RUSC2: variants seen among roughly 807,000 people sequenced by gnomAD.
RUSC2 encodes RUN and SH3 domain containing 2.
RUSC2 carries 34 observed loss-of-function variants against 122.2 expected under a neutral mutation model. The ratio of observed to expected loss-of-function variants is 0.28; its 90% confidence interval spans 0.21 to 0.37. RUSC2 has a LOEUF of 0.37. RUSC2 is among the 10% of genes least tolerant of loss of function. The pLI is 1.00. For synonymous variants in RUSC2, 784 were observed against 790.0 expected (o/e 0.99, Z 0.13); for missense variants, 1,747 against 1,952.4 (o/e 0.89, Z 1.98).
intron 1 of RUSC2, among the ~76,000 whole-genome samples, chr9:35,545,500 C>T (rs1007986286): frequency 2.0e-5 from 3 of 152,142 alleles, no homozygotes; most frequent in Non-Finnish European, 4.4e-5. Context: ...CAAGAGAGAA[C>T]TTTGCTTTAG....
At chr9:35,492,044 A>G (rs1002381677) in intron 1 of RUSC2, among the ~76,000 whole-genome samples, 9 of 151,490 alleles carry the variant, frequency 5.9e-5, no homozygotes, top group African/African-American at 2.2e-4. Flanking sequence ...AAGCAATACA[A>G]TTTTTTTTTA....
chr9:35,516,022 A>AAAAAAAAAAAAAG (rs1554724501), intron 1 of RUSC2, among the ~76,000 whole-genome samples: 28 of 127,188 alleles, frequency 2.2e-4, no homozygotes, highest in African/African-American at 3.7e-4. Flanking sequence ...AAAAAAAAAA[A>AAAAAAAAAAAAAG]AGAGAAATGC....
chr9:35,539,712 G>C (rs557165473), intron 1 of RUSC2, among the ~76,000 whole-genome samples: 1 of 152,292 alleles, frequency 6.6e-6, no homozygotes, highest in Non-Finnish European at 1.5e-5. Flanking sequence ...TCTGGCAGGG[G>C]CAGGGACAGT....
At chr9:35,540,403 A>G (rs1356475589) in intron 1 of RUSC2, among the ~76,000 whole-genome samples, 1 of 152,152 alleles carries the variant, frequency 6.6e-6, no homozygotes, top group Non-Finnish European at 1.5e-5. Context: ...ATTTCTAATA[A>G]CCACCTTGGT....
At chr9:35,512,937 T>G (rs778106341) in intron 1 of RUSC2, among the ~76,000 whole-genome samples, 1 of 152,198 alleles carries the variant, frequency 6.6e-6, no homozygotes, top group African/African-American at 2.4e-5. Flanking sequence ...AAAATGCATA[T>G]TGACCATTTC....
intron 1 of RUSC2, among the ~76,000 whole-genome samples, chr9:35,532,847 C>T (rs1821447234): frequency 6.6e-6 from 1 of 151,916 alleles, no homozygotes. Context: ...AAAATGATAA[C>T]TGCTTCACAC....
intron 1 of RUSC2, among the ~76,000 whole-genome samples, chr9:35,514,921 T>C (rs769810893): frequency 6.6e-6 from 1 of 152,156 alleles, no homozygotes; most frequent in Non-Finnish European, 1.5e-5. Context: ...TACCCAGAAG[T>C]TGCACACAAC....
At position 35,558,436 on chromosome 9, in the gene RUSC2, G is replaced by C. The variant is rs1175218418; in HGVS notation, c.3236-26G>C. 6.2e-7 allele frequency: 1 copy of C among 1,613,912 alleles called. No homozygotes were observed. Among genetic ancestry groups the C allele is most frequent in the Non-Finnish European group, 8.5e-7 (1 of 1,179,926 alleles). ...TTAGGGCTCCAGAAATTGGTCATGTGACCTGCAACCCTGGCTTCCTCCCAG... is the reference window on the plus strand; with the variant it reads ...TTAGGGCTCCAGAAATTGGTCATGTCACCTGCAACCCTGGCTTCCTCCCAG... On this transcript the variant is annotated intron_variant, in intron 7 of 11. Coordinates refer to ENST00000361226, the MANE Select transcript of RUSC2 (RefSeq NM_014806.5). This position sits in a 1 kb window ranked among gnomAD's most constrained non-coding sequence, Gnocchi z 4.3.
chr9:35,550,086 C>G lies in RUSC2; in HGVS notation c.2014+1551C>G, dbSNP rs889835325. Among the ~76,000 whole-genome samples, 6 of 151,902 alleles carry G rather than the reference C, an allele frequency of 3.9e-5. No homozygotes were observed. In the East Asian group the frequency reaches 9.7e-4, roughly 25 times the overall value. ...AATTAGCTAGGCATGGTGGCGCATG[C>G]CTGTAATCCCAGCTACTCTGGAGGC... On this transcript the variant is annotated intron_variant, in intron 2 of 11. Coordinates refer to ENST00000361226, the MANE Select transcript of RUSC2 (RefSeq NM_014806.5).
At position 35,524,465 on chromosome 9, in the gene RUSC2, AGAG is replaced by A. The variant is rs202181634; in HGVS notation, c.-92-21961_-92-21959del. ...TCTCTCCATAGATTGCTTATTAATT[AGAG>A]GAGAAAATGATAACTTTACAATGGA... On this transcript the variant is annotated intron_variant, in intron 1 of 11. Transcript: ENST00000361226. 2.6e-3 allele frequency among the ~76,000 whole-genome samples: 403 copies of A among 152,376 alleles called. 3 individuals are homozygous for A. The highest frequency in any genetic ancestry group is 0.019 in the Admixed American group (286 of 15,300).
At position 35,547,247 on chromosome 9, in the gene RUSC2, C is replaced by T; in HGVS notation, c.726C>T (p.Cys242=). The change falls in exon 2 of 12, where the codon TGC becomes TGT. Residue 242 remains cysteine (C), a synonymous_variant. Coordinates refer to ENST00000361226, the MANE Select transcript of RUSC2 (RefSeq NM_014806.5). The surrounding 1 kb of genome is among the most constrained non-coding windows in gnomAD (Gnocchi z 4.6). ...SSDESPRNPG[C]SGSGDQHCRC... is the part of the protein sequence containing the mutation. The stretch of plus-strand genomic sequence containing the variant: ...ATGAATCCCCAAGGAACCCTGGATG[C>T]TCCGGCTCAGGGGACCAGCACTGCC... 6.2e-7 allele frequency: 1 copy of T among 1,614,178 alleles called. No homozygotes were observed. The highest frequency in any genetic ancestry group is 8.5e-7 in the Non-Finnish European group (1 of 1,180,032).
At chr9:35,516,585 G>C (rs1054469733) in intron 1 of RUSC2, among the ~76,000 whole-genome samples, 8 of 152,200 alleles carry the variant, frequency 5.3e-5, no homozygotes, top group Non-Finnish European at 1.2e-4. Flanking sequence ...TTTTATGTGA[G>C]GGAAATTAGC....
intron 2 of RUSC2, among the ~76,000 whole-genome samples, chr9:35,553,823 G>A (rs1332625989): frequency 6.6e-6 from 1 of 152,122 alleles, no homozygotes; most frequent in Non-Finnish European, 1.5e-5. Context: ...CTCCCTAATG[G>A]GATTGTGGTC....
intron 1 of RUSC2, among the ~76,000 whole-genome samples, chr9:35,545,862 G>A (rs572336699): frequency 6.6e-6 from 1 of 152,286 alleles, no homozygotes; most frequent in South Asian, 2.1e-4. Context: ...CAAATATTCT[G>A]GGGCTTGTAG....
At chr9:35,517,622 T>C (rs1053531413) in intron 1 of RUSC2, among the ~76,000 whole-genome samples, 2 of 152,214 alleles carry the variant, frequency 1.3e-5, no homozygotes, top group Non-Finnish European at 2.9e-5. Flanking sequence ...ATTAATACCT[T>C]ATGTCTAGGT....
At position 35,560,721 on chromosome 9, in the gene RUSC2, G is replaced by A; in HGVS notation, c.4081G>A (p.Glu1361Lys). Residue 1361 changes from glutamate (E) to lysine (K), a missense_variant, in exon 10 of 12, where the codon GAG (glutamate) becomes AAG (lysine). By Grantham distance (56) the Glu-to-Lys change is moderately conservative (BLOSUM62 1). Coordinates refer to ENST00000361226, the MANE Select transcript of RUSC2 (RefSeq NM_014806.5). ...SVLAELRRSR[E>K]REGPAASPAE... ...GCTGGCCGAGCTGAGGCGCAGTCGG[G>A]AGAGGGAAGGGCCCGCTGCCTCGCC... 6.4e-7 allele frequency: 1 copy of A among 1,550,888 alleles called. No homozygotes were observed. Among genetic ancestry groups the A allele is most frequent in the Non-Finnish European group, 8.7e-7 (1 of 1,148,420 alleles).
Position 35,543,874 on chromosome 9 carries a change from C to T in RUSC2, c.-92-2556C>T, listed in dbSNP as rs181987258. On this transcript the variant is annotated intron_variant, in intron 1 of 11. Coordinates refer to ENST00000361226, the MANE Select transcript of RUSC2 (RefSeq NM_014806.5). ...CCCTTTGTGACTGGCTTCGATTGTG[C>T]CCAATTTTTTGGCTACTGTGAATAA... 3.9e-5 allele frequency among the ~76,000 whole-genome samples: 6 copies of T among 152,304 alleles called. No individual in the cohort carries two copies. In the East Asian group the frequency reaches 1.2e-3, roughly 29 times the overall value.
At chr9:35,508,251 C>T (rs888240138) in intron 1 of RUSC2, among the ~76,000 whole-genome samples, 2 of 152,230 alleles carry the variant, frequency 1.3e-5, no homozygotes, top group African/African-American at 4.8e-5. Context: ...TAATCCCTCC[C>T]TGGCGCTCTG....
In RUSC2 at chr9:35,516,022, A is replaced by AAAAAAAAAAAAAAAAG. The variant is rs1554724501; in HGVS notation, c.-93+25851_-93+25852insAAAAAAAAAAAAAAGA. Reference sequence around the variant, plus strand: ...CTCAAAAAAAAAAAAAAAAAAAAAAAAGAGAAATGCGCTTATGACAAACAT... The same window carrying AAAAAAAAAAAAAAAAG: ...CTCAAAAAAAAAAAAAAAAAAAAAAAAAAAAAAAAAAAAAAGAGAGAAATGCGCTTATGACAAACAT... On this transcript the variant is annotated intron_variant, in intron 1 of 11. Transcript: ENST00000361226. 7.0e-3 allele frequency among the ~76,000 whole-genome samples: 886 copies of AAAAAAAAAAAAAAAAG among 126,848 alleles called. 57 individuals are homozygous for AAAAAAAAAAAAAAAAG. The highest frequency in any genetic ancestry group is 9.6e-3 in the Non-Finnish European group (583 of 60,630). The allele number at this position is 126,848 out of a possible 152,430, so 83.2% of individuals were successfully genotyped here.
Sources: allele counts gnomAD v4.1 joint callset (sites outside exome capture counted in the v4.1 genomes callset), GRCh38; gene constraint gnomAD v4.1.1; non-coding constraint Gnocchi (gnomAD v3.1); transcripts MANE v1.5; gene names NCBI Gene and HGNC (gene_info 2026-07-23, HGNC 2026-07-21).